Variants in NTRK3 observed in about 807,000 individuals in gnomAD.
NTRK3 encodes the protein NT-3 growth factor receptor.
In NTRK3, 24 loss-of-function variants were observed where a neutral mutation model predicts 91.7. The ratio of observed to expected loss-of-function variants is 0.26; its 90% CI spans 0.19 to 0.37. The LOEUF (loss-of-function observed/expected upper bound fraction) is 0.37, where lower values mean the gene tolerates loss of function less well. NTRK3 is among the 10% of genes least tolerant of loss of function. NTRK3 has a pLI of 1.00. For synonymous variants in NTRK3, 483 were observed against 404.0 expected, an observed-to-expected ratio of 1.20 and a Z score of -2.34; for missense variants, 880 against 1,068.9, an observed-to-expected ratio of 0.82 and a Z score of 2.46.
At chr15:87,982,029 T>C (rs570265663) in intron 14 of NTRK3, among the ~76,000 whole-genome samples, 3 of 152,180 alleles carry the variant, frequency 2.0e-5, no homozygotes, top group Non-Finnish European at 4.4e-5. Context: ...TTGGAGACCA[T>C]GCAGCATTTG....
chr15:87,967,953 C>T (rs941548268), intron 14 of NTRK3, among the ~76,000 whole-genome samples: 2 of 152,164 alleles, frequency 1.3e-5, no homozygotes, highest in African/African-American at 4.8e-5. Context: ...GGTTTGATTT[C>T]AGAATCTGCT....
intron 3 of NTRK3, chr15:88,209,892 G>C (rs2141402476): frequency 6.6e-6 from 1 of 152,370 alleles, no homozygotes; most frequent in African/African-American, 2.4e-5. Flanking sequence ...TCTGGGCACT[G>C]ACAGGTAAAT....
chr15:88,105,856 T>G (rs190687317), intron 13 of NTRK3, among the ~76,000 whole-genome samples: 4 of 152,248 alleles, frequency 2.6e-5, no homozygotes, highest in Admixed American at 2.6e-4. Flanking sequence ...TCTCAATACC[T>G]TCTCACGTGA....
chr15:87,952,629 C>T (rs2071244804), intron 14 of NTRK3, among the ~76,000 whole-genome samples: 1 of 152,218 alleles, frequency 6.6e-6, no homozygotes, highest in African/African-American at 2.4e-5. Context: ...TGTGCGCACT[C>T]CATTATTCCC....
chr15:88,151,511 T>C (rs2043373790), intron 5 of NTRK3, among the ~76,000 whole-genome samples: 2 of 152,180 alleles, frequency 1.3e-5, no homozygotes, highest in Admixed American at 6.5e-5. Context: ...ACCTTCCTAA[T>C]GGTGGCACCC....
At chr15:87,934,779 G>A (rs748528305) in intron 15 of NTRK3, among the ~76,000 whole-genome samples, 2 of 152,100 alleles carry the variant, frequency 1.3e-5, no homozygotes, top group Non-Finnish European at 2.9e-5. Flanking sequence ...AGTTTGACTG[G>A]ACCTCAGTAC....
rs1176529333 is a variant in NTRK3 at position 88,255,365 on chromosome 15, G to T, written c.248+541C>A. ...AAGTCTCCCCGCGAGCAGCCAGCTC[G>T]CAACTTGTTTACTTGTCAGCATGTT... On this transcript the variant is annotated intron_variant, in intron 3 of 18. Transcript: ENST00000394480. This position sits in a 1 kb window ranked among gnomAD's most constrained non-coding sequence, Gnocchi z 4.3. Among the ~76,000 whole-genome samples the T allele has an allele frequency of 6.6e-6, 1 of 152,098 alleles. No individual in the cohort carries two copies. The highest frequency in any genetic ancestry group is 2.4e-5 in the African/African-American group (1 of 41,430).
At chr15:88,139,887 A>C (rs113189089) in intron 6 of NTRK3, among the ~76,000 whole-genome samples, 24 of 114,668 alleles carry the variant, frequency 2.1e-4, no homozygotes, top group African/African-American at 7.8e-4. Flanking sequence ...CCCTGACTTC[A>C]GGAGCTCATA....
chr15:88,115,640 A>T (rs1278170970), intron 13 of NTRK3, among the ~76,000 whole-genome samples: 18 of 150,762 alleles, frequency 1.2e-4, no homozygotes, highest in Non-Finnish European at 1.5e-5. Context: ...GAGGCTCGGC[A>T]TTTCCAGGAC....
intron 3 of NTRK3, among the ~76,000 whole-genome samples, chr15:88,210,946 C>T (rs2049187980): frequency 6.6e-6 from 1 of 152,046 alleles, no homozygotes; most frequent in African/African-American, 2.4e-5. Context: ...ACTGAGAGCC[C>T]AGCACACCAT....
intron 6 of NTRK3, among the ~76,000 whole-genome samples, chr15:88,138,508 C>A (rs1348575296): frequency 6.6e-6 from 1 of 152,178 alleles, no homozygotes; most frequent in Non-Finnish European, 1.5e-5. Context: ...AGTCAAAGCC[C>A]TAAATAATCT....
At chr15:88,154,662 G>A (rs1293917019) in intron 5 of NTRK3, among the ~76,000 whole-genome samples, 1 of 152,140 alleles carries the variant, frequency 6.6e-6, no homozygotes, top group East Asian at 1.9e-4. Context: ...CTTAGCTCAG[G>A]AGACTGGAGG....
intron 17 of NTRK3, among the ~76,000 whole-genome samples, chr15:87,892,240 T>C (rs2065892956): frequency 6.6e-6 from 1 of 152,130 alleles, no homozygotes; most frequent in African/African-American, 2.4e-5. Flanking sequence ...TGAAAATGAA[T>C]CTCTAATGAT....
Position 87,880,435 on chromosome 15 carries a change from G to A in NTRK3, c.2134-7C>T, listed in dbSNP as rs1013628356. ...GCATGGTGTGTCCTCCCACCTAAAAGGGGTTGAGATAGAGGCACACAGAGT... is the reference window on the plus strand; with the variant it reads ...GCATGGTGTGTCCTCCCACCTAAAAAGGGTTGAGATAGAGGCACACAGAGT... On this transcript the variant is annotated splice_region_variant and splice_polypyrimidine_tract_variant and intron_variant, in intron 17 of 18. Coordinates refer to ENST00000394480, the Ensembl canonical transcript of NTRK3. 6.2e-7 allele frequency: 1 copy of A among 1,613,968 alleles called. No individual in the cohort carries two copies. Among genetic ancestry groups the A allele is most frequent in the Non-Finnish European group, 8.5e-7 (1 of 1,179,936 alleles).
At chr15:87,862,217 C>A (rs2064548150) in exon 19 of NTRK3, 1 of 222,912 alleles carries the variant, frequency 4.5e-6, no homozygotes, top group African/African-American at 2.2e-5. Context: ...CTCAAGAGGA[C>A]AAGGAATGGA....
intron 10 of NTRK3, among the ~76,000 whole-genome samples, chr15:88,134,741 G>T (rs2041708772): frequency 6.6e-6 from 1 of 152,186 alleles, no homozygotes. Context: ...TCATAGAAAA[G>T]GAAATTGATG....
chr15:88,126,355 G>C (rs758762931), exon 13 of NTRK3: 1 of 1,613,470 alleles, frequency 6.2e-7, no homozygotes, highest in African/African-American at 1.3e-5. Flanking sequence ...AAAGCAGCAA[G>C]TCCAACTGCT....
chr15:88,155,321 C>T (rs2043788954), intron 5 of NTRK3, among the ~76,000 whole-genome samples: 1 of 152,118 alleles, frequency 6.6e-6, no homozygotes, highest in Non-Finnish European at 1.5e-5. Context: ...GAAGAGGGGG[C>T]CACAAGCCAA....
chr15:87,896,989 A>C (rs2066163401), intron 17 of NTRK3, among the ~76,000 whole-genome samples: 1 of 152,196 alleles, frequency 6.6e-6, no homozygotes. Flanking sequence ...AGACATCATT[A>C]TAGTATTGCT....
Sources: allele counts gnomAD v4.1 joint callset (sites outside exome capture counted in the v4.1 genomes callset), GRCh38; gene constraint gnomAD v4.1.1; non-coding constraint Gnocchi (gnomAD v3.1); transcripts MANE v1.5; gene names NCBI Gene and HGNC (gene_info 2026-07-23, HGNC 2026-07-21).